Variants in KCNH8 observed in about 807,000 individuals in gnomAD.
KCNH8 encodes voltage-gated delayed rectifier potassium channel KCNH8.
Under a neutral mutation model 103.6 loss-of-function variants are expected in KCNH8, and 70 were observed. The ratio of observed to expected loss-of-function variants is 0.68; its 90% CI spans 0.56 to 0.82. The LOEUF (loss-of-function observed/expected upper bound fraction) is 0.82, where lower values mean the gene tolerates loss of function less well. KCNH8 is among the 40% of genes least tolerant of loss of function. The probability of loss-of-function intolerance (pLI) is 0.00; values close to 1 mark genes in which losing one functional copy is unlikely to be tolerated. For missense variants in KCNH8, 1,217 were observed against 1,329.9 expected, an observed-to-expected ratio of 0.92 and a Z score of 1.32; for synonymous variants, 498 against 489.4, an observed-to-expected ratio of 1.02 and a Z score of -0.23.
At chr3:19,402,476 T>C (rs58915529) in intron 7 of KCNH8, among the ~76,000 whole-genome samples, 6,621 of 151,922 alleles carry the variant, frequency 0.044, 297 homozygotes, top group East Asian at 0.2. Context: ...TAAGAGTATA[T>C]GTGAAAGCAG....
At chr3:19,484,872 C>T (rs1295652153) in intron 11 of KCNH8, among the ~76,000 whole-genome samples, 4 of 151,910 alleles carry the variant, frequency 2.6e-5, no homozygotes, top group Admixed American at 1.3e-4. Context: ...TCGGGGAGTG[C>T]CTGGAAGTCT....
chr3:19,376,544 G>A (rs973767368), intron 5 of KCNH8, among the ~76,000 whole-genome samples: 2 of 152,184 alleles, frequency 1.3e-5, no homozygotes, highest in Non-Finnish European at 2.9e-5. Context: ...TGGAAATGCA[G>A]AAATCACCCG....
intron 7 of KCNH8, among the ~76,000 whole-genome samples, chr3:19,424,231 C>T (rs965475592): frequency 7.2e-5 from 11 of 152,034 alleles, no homozygotes; most frequent in African/African-American, 2.7e-4. Flanking sequence ...GCTATAGATA[C>T]CAAAACAGCA....
chr3:19,320,087 G>A (rs538891209), intron 3 of KCNH8, among the ~76,000 whole-genome samples: 7 of 151,966 alleles, frequency 4.6e-5, no homozygotes, highest in African/African-American at 1.2e-4. Flanking sequence ...CTATGTATAC[G>A]TTCATGTCAT....
chr3:19,215,637 A>T (rs2063810863), intron 1 of KCNH8, among the ~76,000 whole-genome samples: 1 of 152,186 alleles, frequency 6.6e-6, no homozygotes. Flanking sequence ...TTCTTAGCCT[A>T]CTCAATGCTA....
intron 14 of KCNH8, among the ~76,000 whole-genome samples, chr3:19,517,396 C>T (rs1157568292): frequency 2.0e-5 from 3 of 151,992 alleles, no homozygotes; most frequent in Admixed American, 6.6e-5. Flanking sequence ...CTTTTCCACT[C>T]AAGCTGGCAC....
chr3:19,513,976 A>ATAATAAATAAAAAACAGCTGAATAG (rs1346031192), intron 13 of KCNH8, among the ~76,000 whole-genome samples: 103 of 152,136 alleles, frequency 6.8e-4, no homozygotes, highest in African/African-American at 2.4e-3. Context: ...CAGCTGAATA[A>ATAATAAATAAAAAACAGCTGAATAG]TAATAAATAA....
In KCNH8 at chr3:19,279,810, C is replaced by A. The variant is rs540353972; in HGVS notation, c.311-1388C>A. On this transcript the variant is annotated intron_variant, in intron 2 of 15. Transcript: ENST00000328405. Reference sequence around the variant, plus strand: ...TTAACTGCAGAAAAAAATGATAGATCCCAAGGCTGGATGAATACATAGCTG... The same window carrying A: ...TTAACTGCAGAAAAAAATGATAGATACCAAGGCTGGATGAATACATAGCTG... Among the ~76,000 whole-genome samples, 7 of 152,070 alleles carry A rather than the reference C, an allele frequency of 4.6e-5. No homozygotes were observed. The East Asian group carries it at 1.2e-3, about 25-fold the overall frequency.
chr3:19,209,642 A>C (rs1228603731), intron 1 of KCNH8, among the ~76,000 whole-genome samples: 1 of 152,066 alleles, frequency 6.6e-6, no homozygotes, highest in African/African-American at 2.4e-5. Flanking sequence ...GTGCCTTCAC[A>C]TCTGCTATGA....
At chr3:19,402,028 C>T (rs903279086) in intron 7 of KCNH8, among the ~76,000 whole-genome samples, 2 of 151,912 alleles carry the variant, frequency 1.3e-5, no homozygotes, top group African/African-American at 4.8e-5. Flanking sequence ...TCCTACCAAA[C>T]ACTCCAAGCA....
intron 7 of KCNH8, among the ~76,000 whole-genome samples, chr3:19,398,995 G>A (rs1006059755): frequency 6.6e-6 from 1 of 151,872 alleles, no homozygotes; most frequent in South Asian, 2.1e-4. Flanking sequence ...CCTTTCAATT[G>A]GAAAGTCAGC....
At chr3:19,279,424 C>A (rs552160057) in intron 2 of KCNH8, among the ~76,000 whole-genome samples, 2 of 152,024 alleles carry the variant, frequency 1.3e-5, no homozygotes, top group Admixed American at 1.3e-4. Context: ...ATGGGTTAAT[C>A]GACTTCCCTA....
chr3:19,168,134 C>T (rs546139547), intron 1 of KCNH8, among the ~76,000 whole-genome samples: 95 of 151,950 alleles, frequency 6.3e-4, no homozygotes, highest in Admixed American at 1.0e-3. Flanking sequence ...TGTCAGCCTC[C>T]GAGTAGCTGG....
rs147107390 is a variant in KCNH8 at position 19,279,293 on chromosome 3, G to A, written c.311-1905G>A. ...GGCTATGGGTATGGCTCATTTATGA[G>A]GCTTCTCCATGAATCACAAACACTT... is the stretch of plus-strand genomic sequence containing the variant. On this transcript the variant is annotated intron_variant, in intron 2 of 15. Coordinates refer to ENST00000328405, the MANE Select transcript of KCNH8 (RefSeq NM_144633.3). Among the ~76,000 whole-genome samples the A allele has an allele frequency of 8.3e-4, 126 of 152,208 alleles. 1 individual carries two copies. The highest frequency in any genetic ancestry group is 6.2e-3 in the Admixed American group (94 of 15,266).
intron 3 of KCNH8, among the ~76,000 whole-genome samples, chr3:19,323,292 A>G (rs1002772179): frequency 2.6e-5 from 4 of 151,976 alleles, no homozygotes; most frequent in Non-Finnish European, 5.9e-5. Context: ...TACTAAAAAT[A>G]TAAAAAATTA....
At chr3:19,305,105 A>G (rs1355355978) in intron 3 of KCNH8, among the ~76,000 whole-genome samples, 2 of 146,724 alleles carry the variant, frequency 1.4e-5, no homozygotes, top group African/African-American at 2.5e-5. Flanking sequence ...AGAAAAAAGG[A>G]AAAAAAAAAA....
chr3:19,348,095 G>C lies in KCNH8; in HGVS notation c.811+130G>C. ...TGATTCAGCCTCTGTTGCAAATTTT[G>C]GAGAAGCACATACTGTATTTGGATT... is the stretch of plus-strand genomic sequence containing the variant. On this transcript the variant is annotated intron_variant, in intron 5 of 15. Transcript: ENST00000328405. The C allele has an allele frequency of 2.8e-6, 3 of 1,075,466 alleles. No homozygotes were observed. In the South Asian group the frequency reaches 4.7e-5, roughly 17 times the overall value. The allele number at this position is 1,075,466 out of a possible 1,614,324, so 66.6% of individuals were successfully genotyped here.
chr3:19,506,071 A>G (rs1486231574), intron 11 of KCNH8, among the ~76,000 whole-genome samples: 1 of 152,208 alleles, frequency 6.6e-6, no homozygotes, highest in Non-Finnish European at 1.5e-5. Flanking sequence ...TATGGTACTC[A>G]TTAGATTCCT....
intron 1 of KCNH8, among the ~76,000 whole-genome samples, chr3:19,237,043 G>A (rs1361022009): frequency 6.6e-6 from 1 of 152,140 alleles, no homozygotes; most frequent in African/African-American, 2.4e-5. Context: ...CAGTTCTTAT[G>A]GCCAAATTAA....
Sources: allele counts gnomAD v4.1 joint callset (sites outside exome capture counted in the v4.1 genomes callset), GRCh38; gene constraint gnomAD v4.1.1; transcripts MANE v1.5; gene names NCBI Gene and HGNC (gene_info 2026-07-23, HGNC 2026-07-21).